Variants in DMXL1 observed in about 807,000 individuals in gnomAD.
DMXL1 encodes the protein Dmx like 1.
DMXL1 carries 99 observed loss-of-function variants against 319.2 expected under a neutral mutation model. The ratio of observed to expected loss-of-function variants is 0.31; its 90% CI spans 0.26 to 0.37. The LOEUF (loss-of-function observed/expected upper bound fraction) is 0.37, where lower values mean the gene tolerates loss of function less well. Ranked by LOEUF, DMXL1 falls within the 10% of genes least tolerant of loss-of-function variation. The probability of loss-of-function intolerance (pLI) is 1.00; values close to 1 mark genes in which losing one functional copy is unlikely to be tolerated. For synonymous variants in DMXL1, 1,385 were observed against 1,235.2 expected (o/e 1.12, Z -2.54); for missense variants, 3,745 against 3,595.6 (o/e 1.04, Z -1.06).
intron 43 of DMXL1, among the ~76,000 whole-genome samples, chr5:119,245,187 C>G (rs1022714465): frequency 3.9e-5 from 6 of 152,108 alleles, no homozygotes; most frequent in African/African-American, 1.2e-4. Flanking sequence ...AATAACACAC[C>G]TAGTAATTTT....
In DMXL1 at chr5:119,143,868, G is replaced by A. The variant is rs896140055; in HGVS notation, c.2404G>A (p.Val802Ile). ...SKYVGEVFNI[V>I]SQQSTARPGC... ...ATATGTTGGTGAAGTCTTTAACATC[G>A]TCAGTCAACAATCAACAGCCAGGCC... The change falls in exon 14 of 44, where the codon GTC becomes ATC. Residue 802 changes from valine to isoleucine, a missense_variant. Transcript: ENST00000539542. 6 of 1,580,068 alleles carry A rather than the reference G, an allele frequency of 3.8e-6. No individual in the cohort carries two copies. Among genetic ancestry groups the A allele is most frequent in the East Asian group, 2.3e-5 (1 of 43,130 alleles).
At chr5:119,122,334 C>T (rs1233972008) in intron 9 of DMXL1, among the ~76,000 whole-genome samples, 4 of 148,418 alleles carry the variant, frequency 2.7e-5, no homozygotes, top group Admixed American at 6.6e-5. Context: ...ACCTCCCTCC[C>T]GGAGGGGGCG....
intron 9 of DMXL1, chr5:119,128,251 A>G: frequency 3.2e-6 from 1 of 313,750 alleles, no homozygotes; most frequent in Admixed American, 3.6e-5. Context: ...TAATGAGTTG[A>G]TTAATGTAAA....
At chr5:119,216,118 A>G (rs1008067273) in intron 34 of DMXL1, among the ~76,000 whole-genome samples, 3 of 151,238 alleles carry the variant, frequency 2.0e-5, no homozygotes, top group African/African-American at 7.3e-5. Context: ...AAAAAAAAAA[A>G]AAAAGCAGGA....
At position 119,203,316 on chromosome 5, in the gene DMXL1, T is replaced by C; in HGVS notation, c.7746-3T>C. 6.4e-7 allele frequency: 1 copy of C among 1,560,718 alleles called. No homozygotes were observed. The highest frequency in any genetic ancestry group is 8.6e-7 in the Non-Finnish European group (1 of 1,157,570). On this transcript the variant is annotated splice_region_variant and splice_polypyrimidine_tract_variant and intron_variant, in intron 32 of 43. Coordinates refer to ENST00000539542, the MANE Select transcript of DMXL1 (RefSeq NM_001290321.3). ...TCATTAAATTTGCTGTCTCTCTCTG[T>C]AGATCCAAACACCATCTGGCACTGT...
At chr5:119,164,794 T>C in intron 20 of DMXL1, 118 bp downstream of exon 20, 1 of 834,462 alleles carries the variant, frequency 1.2e-6, no homozygotes, top group Non-Finnish European at 1.8e-6. Context: ...AAAAGGCTTT[T>C]GAATAGTCTT....
intron 2 of DMXL1, among the ~76,000 whole-genome samples, chr5:119,100,274 A>G (rs1225189990): frequency 6.9e-6 from 1 of 144,498 alleles, no homozygotes; most frequent in Non-Finnish European, 1.5e-5. Flanking sequence ...ACTACAAAAT[A>G]AAAAAAAAAA....
intron 1 of DMXL1, among the ~76,000 whole-genome samples, chr5:119,097,491 G>T (rs542662449): frequency 6.6e-6 from 1 of 152,274 alleles, no homozygotes; most frequent in East Asian, 1.9e-4. Context: ...GCCGAGACGG[G>T]TGGATCACGA....
At chr5:119,237,971 A>G (rs907596371) in intron 40 of DMXL1, among the ~76,000 whole-genome samples, 4 of 152,040 alleles carry the variant, frequency 2.6e-5, no homozygotes, top group African/African-American at 4.8e-5. Flanking sequence ...AGTTAAGAAT[A>G]TAGGTTAAGA....
intron 34 of DMXL1, among the ~76,000 whole-genome samples, chr5:119,210,861 T>C (rs1296864457): frequency 6.6e-6 from 1 of 151,204 alleles, no homozygotes; most frequent in African/African-American, 2.4e-5. Context: ...TTTCTGATCT[T>C]GGGGAAAGCA....
chr5:119,071,192 G>C lies in DMXL1; in HGVS notation c.-378G>C. The stretch of plus-strand genomic sequence containing the variant: ...GAGCGCGTACTGCTTGCGCCACTCG[G>C]GCTGGGTCAGGAGCGGCTGCCCGAG... On this transcript the variant is annotated 5_prime_UTR_variant, in exon 1 of 44. Transcript: ENST00000539542. The C allele has an allele frequency of 4.0e-6, 1 of 252,232 alleles. No individual in the cohort carries two copies. Among genetic ancestry groups the C allele is most frequent in the Non-Finnish European group, 7.8e-6 (1 of 128,660 alleles). 15.6% of individuals were successfully genotyped at this position (252,232 alleles called of 1,614,324 possible).
At chr5:119,159,742 A>G (rs185849364) in intron 19 of DMXL1, among the ~76,000 whole-genome samples, 24 of 152,126 alleles carry the variant, frequency 1.6e-4, no homozygotes, top group African/African-American at 2.2e-4. Context: ...TCCTGCCTCA[A>G]TCTCTCAAGT....
At chr5:119,116,629 T>A (rs1374909897) in intron 7 of DMXL1, among the ~76,000 whole-genome samples, 1 of 152,250 alleles carries the variant, frequency 6.6e-6, no homozygotes, top group African/African-American at 2.4e-5. Flanking sequence ...TTGTGTCTAA[T>A]TCTGTCATCT....
Position 119,156,275 on chromosome 5 carries a change from G to T in DMXL1, c.4702+4239G>T, listed in dbSNP as rs1033523301. 2.0e-5 allele frequency among the ~76,000 whole-genome samples: 3 copies of T among 152,176 alleles called. No homozygotes were observed. The East Asian group carries it at 5.8e-4, about 29-fold the overall frequency. On this transcript the variant is annotated intron_variant, in intron 19 of 43. Coordinates refer to ENST00000539542, the MANE Select transcript of DMXL1 (RefSeq NM_001290321.3). ...GTGATTGTTATGTTTTAGCAATGATGTATTTTTTAATTAAGGTATGTACAC... is the reference window on the plus strand; with the variant it reads ...GTGATTGTTATGTTTTAGCAATGATTTATTTTTTAATTAAGGTATGTACAC...
At chr5:119,143,733 C>T in intron 13 of DMXL1, 108 bp from the exon 14 acceptor site, 1 of 634,422 alleles carries the variant, frequency 1.6e-6, no homozygotes, top group Non-Finnish European at 2.6e-6. Context: ...TATATTTAGG[C>T]CCACTTGAAT....
At chr5:119,122,316 A>AC (rs1176481429) in intron 9 of DMXL1, among the ~76,000 whole-genome samples, 5 of 113,104 alleles carry the variant, frequency 4.4e-5, no homozygotes, top group East Asian at 2.6e-4. Flanking sequence ...CGGGGGGCTG[A>AC]CCCCCCCACC....
At chr5:119,147,086 A>T in intron 16 of DMXL1, 130 bp downstream of exon 16, 1 of 1,178,390 alleles carries the variant, frequency 8.5e-7, no homozygotes, top group Non-Finnish European at 1.2e-6. Flanking sequence ...AGATTATTCA[A>T]TTAATTCAAA....
intron 3 of DMXL1, chr5:119,104,154 G>A (rs1294547247): frequency 6.6e-6 from 1 of 152,172 alleles, no homozygotes; most frequent in Admixed American, 6.5e-5. Context: ...TGGTCTTCAT[G>A]AGAGTTGCAC....
At chr5:119,211,206 A>G (rs1255023491) in intron 34 of DMXL1, among the ~76,000 whole-genome samples, 3 of 151,896 alleles carry the variant, frequency 2.0e-5, no homozygotes, top group African/African-American at 4.8e-5. Flanking sequence ...TTCATGAGGG[A>G]TATTGGTTTG....
Sources: gnomAD v4.1 joint callset for allele counts (sites outside exome capture counted in the v4.1 genomes callset) on GRCh38, gnomAD v4.1.1 for gene constraint, MANE v1.5 for transcripts, NCBI Gene and HGNC (gene_info 2026-07-23, HGNC 2026-07-21) for gene names.